The following JARID2 variants were observed in gnomAD, a reference collection of about 807,000 sequenced individuals.
JARID2 encodes the protein jumonji and AT-rich interaction domain containing 2.
A neutral mutation model predicts 125.6 loss-of-function variants in JARID2; 21 were observed. The ratio of observed to expected loss-of-function variants is 0.17; its 90% CI spans 0.12 to 0.24. JARID2 has a LOEUF of 0.24. Ranked by LOEUF, JARID2 falls within the 10% of genes least tolerant of loss-of-function variation. JARID2 has a pLI of 1.00. For synonymous variants in JARID2, 736 were observed against 661.6 expected (o/e 1.11, Z -1.73); for missense variants, 1,303 against 1,639.6 (o/e 0.79, Z 3.55).
intron 3 of JARID2, among the ~76,000 whole-genome samples, chr6:15,447,238 C>A (rs1010386088): frequency 5.9e-5 from 9 of 152,150 alleles, no homozygotes; most frequent in African/African-American, 1.7e-4. Flanking sequence ...TCTTCCTCTG[C>A]TGGTTTACAT....
intron 2 of JARID2, among the ~76,000 whole-genome samples, chr6:15,394,524 G>A (rs1765146275): frequency 6.6e-6 from 1 of 152,136 alleles, no homozygotes; most frequent in Admixed American, 6.5e-5. Context: ...GGTTGAGCCC[G>A]GAAGGTCGAC....
At chr6:15,364,007 C>T (rs182642409) in intron 1 of JARID2, among the ~76,000 whole-genome samples, 90 of 152,266 alleles carry the variant, frequency 5.9e-4, no homozygotes, top group Middle Eastern at 6.8e-3. Flanking sequence ...TGGAAATTTG[C>T]ATGAGATAGA....
intron 3 of JARID2, among the ~76,000 whole-genome samples, chr6:15,451,311 C>A (rs1288309278): frequency 6.6e-6 from 1 of 152,146 alleles, no homozygotes; most frequent in Non-Finnish European, 1.5e-5. Flanking sequence ...GGGAAAGAAG[C>A]CTGAAGAGTA....
chr6:15,293,500 G>A (rs1204730884), intron 1 of JARID2, among the ~76,000 whole-genome samples: 1 of 152,216 alleles, frequency 6.6e-6, no homozygotes, highest in Non-Finnish European at 1.5e-5. Context: ...TGTTGTAAAT[G>A]TTTGTGATAA....
chr6:15,417,198 T>C (rs957786098), intron 3 of JARID2, among the ~76,000 whole-genome samples: 1 of 152,178 alleles, frequency 6.6e-6, no homozygotes, highest in Non-Finnish European at 1.5e-5. Context: ...CAGTGGTTCT[T>C]AAGCGGGTTT....
chr6:15,324,289 C>T (rs1457792146), intron 1 of JARID2: 1 of 151,870 alleles, frequency 6.6e-6, no homozygotes, highest in African/African-American at 2.4e-5. Flanking sequence ...TTTGTATAAC[C>T]TAAGATTGGA....
intron 1 of JARID2, among the ~76,000 whole-genome samples, chr6:15,334,308 TTATG>T (rs1450115717): frequency 1.4e-5 from 2 of 140,192 alleles, no homozygotes; most frequent in East Asian, 4.1e-4. Flanking sequence ...GAACAGTGGC[TTATG>T]TCACCAATAG....
At chr6:15,358,433 G>A (rs1763679936) in intron 1 of JARID2, among the ~76,000 whole-genome samples, 2 of 152,178 alleles carry the variant, frequency 1.3e-5, no homozygotes, top group South Asian at 2.1e-4. Flanking sequence ...CTAACACACT[G>A]TTTTTGTGTT....
chr6:15,277,478 C>G (rs142533448), intron 1 of JARID2, among the ~76,000 whole-genome samples: 38 of 152,218 alleles, frequency 2.5e-4, no homozygotes, highest in Non-Finnish European at 7.4e-5. Flanking sequence ...CCAAGTTATA[C>G]AGATGAGAGA....
chr6:15,346,973 A>T (rs1763264199), intron 1 of JARID2, among the ~76,000 whole-genome samples: 1 of 152,032 alleles, frequency 6.6e-6, no homozygotes, highest in Non-Finnish European at 1.5e-5. Context: ...TGACCTTGTG[A>T]TCTGCCTGCC....
At chr6:15,281,929 TG>T (rs1178183060) in intron 1 of JARID2, among the ~76,000 whole-genome samples, 1 of 62,992 alleles carries the variant, frequency 1.6e-5, no homozygotes, top group East Asian at 4.6e-4. Context: ...GTGCTCTGTG[TG>T]TGTGTGTGTG....
At chr6:15,399,785 C>G (rs962729022) in intron 2 of JARID2, among the ~76,000 whole-genome samples, 3 of 152,200 alleles carry the variant, frequency 2.0e-5, no homozygotes, top group Non-Finnish European at 4.4e-5. Context: ...ATTAGTAAGG[C>G]ATGTTTCCAT....
chr6:15,376,011 C>A (rs1407710463), intron 2 of JARID2, among the ~76,000 whole-genome samples: 1 of 152,188 alleles, frequency 6.6e-6, no homozygotes. Context: ...GTTTGTCATT[C>A]CAGAAGCAAC....
chr6:15,501,239 C>T lies in JARID2; in HGVS notation c.2278C>T (p.Leu760Phe), dbSNP rs1364788178. ...GCCCCGCTTCGAGCCCAAGAATGGGCTCATCCACGGCGTGGCCCCCAGGAA... is the reference window on the plus strand; with the variant it reads ...GCCCCGCTTCGAGCCCAAGAATGGGTTCATCCACGGCGTGGCCCCCAGGAA... ...PLPRFEPKNGLIHGVAPRNGF... is the reference protein window; with the variant it reads ...PLPRFEPKNGFIHGVAPRNGF... The change falls in exon 8 of 18, where the codon CTC (leucine) becomes TTC (phenylalanine). Residue 760 changes from leucine (L) to phenylalanine (F), a missense_variant. Physicochemically the swap from Leu to Phe is conservative, Grantham distance 22. This residue lies in a region of JARID2 where 124 missense variants were observed against 131.0 expected (regional missense o/e 0.95). Transcript: ENST00000341776. The T allele has an allele frequency of 1.2e-6, 2 of 1,613,716 alleles. No homozygotes were observed. Among genetic ancestry groups the T allele is most frequent in the Non-Finnish European group, 8.5e-7 (1 of 1,179,702 alleles).
intron 1 of JARID2, among the ~76,000 whole-genome samples, chr6:15,355,801 G>A (rs1337155474): frequency 6.6e-6 from 1 of 152,122 alleles, no homozygotes; most frequent in Non-Finnish European, 1.5e-5. Flanking sequence ...TAGTAGAGAC[G>A]GGTTTTGCCA....
At chr6:15,516,865 A>G (rs1771587349) in intron 16 of JARID2, among the ~76,000 whole-genome samples, 1 of 152,014 alleles carries the variant, frequency 6.6e-6, no homozygotes, top group South Asian at 2.1e-4. Flanking sequence ...CTCCCAGGAA[A>G]CTCCAGCAGA....
intron 2 of JARID2, among the ~76,000 whole-genome samples, chr6:15,383,017 G>T (rs1463917572): frequency 1.3e-5 from 2 of 152,068 alleles, no homozygotes; most frequent in African/African-American, 4.8e-5. Context: ...CGGAGGAGGT[G>T]GTCTGTGTAG....
chr6:15,474,797 T>C (rs986655787), intron 5 of JARID2, among the ~76,000 whole-genome samples: 1 of 152,242 alleles, frequency 6.6e-6, no homozygotes, highest in South Asian at 2.1e-4. Flanking sequence ...CCTGAGATAA[T>C]AGTGACTTGT....
At chr6:15,263,066 GT>G (rs1759944328) in intron 1 of JARID2, among the ~76,000 whole-genome samples, 3 of 121,320 alleles carry the variant, frequency 2.5e-5, no homozygotes, top group African/African-American at 1.2e-4. Flanking sequence ...CCTTTGGAGG[GT>G]GTGTGTTTGT....
Sources: allele counts gnomAD v4.1 joint callset (sites outside exome capture counted in the v4.1 genomes callset), GRCh38; gene constraint gnomAD v4.1.1; regional missense constraint gnomAD v4.1.1; transcripts MANE v1.5; gene names NCBI Gene and HGNC (gene_info 2026-07-23, HGNC 2026-07-21).